Variants in ZNF532 observed in about 807,000 individuals in gnomAD.
The protein encoded by ZNF532 is zinc finger protein 532.
ZNF532 carries 22 observed loss-of-function variants against 89.3 expected under a neutral mutation model. The observed-to-expected ratio is 0.25, with a 90% CI of 0.18 to 0.35. The LOEUF is 0.35. ZNF532 is among the 10% of genes least tolerant of loss of function. The pLI is 1.00. For synonymous variants in ZNF532, 606 were observed against 649.6 expected, an observed-to-expected ratio of 0.93 and a Z score of 1.02; for missense variants, 1,132 against 1,643.4, an observed-to-expected ratio of 0.69 and a Z score of 5.38.
chr18:58,941,964 C>CTCCCTCCCTCCCTCCT (rs1400228427), intron 5 of ZNF532, among the ~76,000 whole-genome samples: 4 of 124,340 alleles, frequency 3.2e-5, no homozygotes, highest in East Asian at 4.5e-4. Context: ...CCCTCCCTCT[C>CTCCCTCCCTCCCTCCT]TCCCTCCCTC....
At chr18:58,898,563 C>T (rs1380704572) in intron 2 of ZNF532, among the ~76,000 whole-genome samples, 1 of 152,198 alleles carries the variant, frequency 6.6e-6, no homozygotes, top group Non-Finnish European at 1.5e-5. Flanking sequence ...ACACTTGGAC[C>T]AGCCCTGAGC....
At chr18:58,981,431 G>C in intron 8 of ZNF532, 39 bp from the exon 9 acceptor site, 1 of 1,595,262 alleles carries the variant, frequency 6.3e-7, no homozygotes, top group Non-Finnish European at 8.5e-7. Flanking sequence ...AGCTTATTTT[G>C]TCAGCAAGTG....
intron 2 of ZNF532, among the ~76,000 whole-genome samples, chr18:58,899,055 C>T (rs950279427): frequency 5.9e-5 from 9 of 152,242 alleles, no homozygotes; most frequent in Non-Finnish European, 1.2e-4. Context: ...GCTGAGTGCG[C>T]GTAGATTGCT....
intron 2 of ZNF532, among the ~76,000 whole-genome samples, chr18:58,906,654 T>C (rs78132082): frequency 1.3e-5 from 2 of 152,228 alleles, no homozygotes; most frequent in African/African-American, 4.8e-5. Flanking sequence ...CCTTCTCCCA[T>C]GACCTCACTT....
chr18:58,954,738 A>T (rs1454224061), intron 7 of ZNF532, among the ~76,000 whole-genome samples: 4 of 143,576 alleles, frequency 2.8e-5, no homozygotes, highest in African/African-American at 1.0e-4. Context: ...TTTGAGAAAG[A>T]GTCTCACTCT....
rs1442633375 is a variant in ZNF532, at chr18:58,919,474, C to G, written c.1187C>G (p.Thr396Arg). 1.2e-6 allele frequency: 2 copies of G among 1,614,122 alleles called. No individual in the cohort carries two copies. The highest frequency in any genetic ancestry group is 1.3e-5 in the African/African-American group (1 of 74,940). ...TCTGGAAAGAAACCTTCCGAGCAGA[C>G]AGCGTCCGTGATGGCCTCTGTGACA... is the stretch of plus-strand genomic sequence containing the variant. ...LDSGKKPSEQ[T>R]ASVMASVTSL... Residue 396 changes from threonine (T) to arginine (R), a missense_variant, in exon 3 of 10, where the codon ACA (threonine) becomes AGA (arginine). This residue lies in a region of ZNF532 where 124 missense variants were observed against 191.6 expected (regional missense o/e 0.65). Transcript: ENST00000591808. This position sits in a 1 kb window ranked among gnomAD's most constrained non-coding sequence, Gnocchi z 6.1.
intron 7 of ZNF532, among the ~76,000 whole-genome samples, chr18:58,957,575 CTG>C (rs1391678482): frequency 6.6e-6 from 1 of 151,922 alleles, no homozygotes; most frequent in Non-Finnish European, 1.5e-5. Context: ...GTAAATTTAA[CTG>C]GCATAAGTTA....
intron 7 of ZNF532, chr18:58,954,214 T>A: frequency 1.0e-6 from 1 of 990,190 alleles, no homozygotes; most frequent in Non-Finnish European, 1.2e-6. Flanking sequence ...ACTTACATGA[T>A]TCTTCCTTGA....
In ZNF532 at chr18:58,918,203, A is replaced by G; in HGVS notation, c.-17-68A>G. The G allele has an allele frequency of 2.2e-6, 3 of 1,384,892 alleles. No homozygotes were observed. In the South Asian group the frequency reaches 4.0e-5, roughly 19 times the overall value. 85.8% of individuals were successfully genotyped at this position (1,384,892 alleles called of 1,614,324 possible). On this transcript the variant is annotated intron_variant, in intron 2 of 9. Coordinates refer to ENST00000591808, the MANE Select transcript of ZNF532 (RefSeq NM_001375912.1). ...TAATCGTTATGTTAGTGTGAATTGT[A>G]TAGGGGTTTTATCTCATCGTGAGGA...
rs1255356042 is a variant in ZNF532 at position 58,918,488 on chromosome 18, T to C, written c.201T>C (p.Asn67=). ...SDVGVSVIVK[N]VRNIDSSEGG... The stretch of plus-strand genomic sequence containing the variant: ...TGGGTGTCAGCGTTATCGTCAAGAA[T>C]GTTCGGAACATTGACTCTTCCGAGG... The change falls in exon 3 of 10, where the codon AAT becomes AAC. Residue 67 remains asparagine, a synonymous_variant. Coordinates refer to ENST00000591808, the MANE Select transcript of ZNF532 (RefSeq NM_001375912.1). The C allele has an allele frequency of 1.5e-5, 25 of 1,614,188 alleles. No individual in the cohort carries two copies. The highest frequency in any genetic ancestry group is 2.1e-5 in the Non-Finnish European group (25 of 1,180,044).
chr18:58,959,217 G>C (rs1568423927), intron 7 of ZNF532, among the ~76,000 whole-genome samples: 1 of 149,532 alleles, frequency 6.7e-6, no homozygotes, highest in Non-Finnish European at 1.5e-5. Context: ...GAACTCTGGT[G>C]CCATCAAAAT....
intron 2 of ZNF532, among the ~76,000 whole-genome samples, chr18:58,896,855 A>G (rs2059284293): frequency 6.6e-6 from 1 of 152,202 alleles, no homozygotes; most frequent in Non-Finnish European, 1.5e-5. Context: ...CTAGGCTGAC[A>G]AATGGAGCAG....
At chr18:58,899,690 A>G (rs950960146) in intron 2 of ZNF532, among the ~76,000 whole-genome samples, 42 of 152,152 alleles carry the variant, frequency 2.8e-4, no homozygotes, top group Non-Finnish European at 5.9e-4. Context: ...GGTGGTCTCA[A>G]TCTCTCGACT....
At chr18:58,887,364 G>A (rs575896883) in intron 2 of ZNF532, among the ~76,000 whole-genome samples, 1 of 152,324 alleles carries the variant, frequency 6.6e-6, no homozygotes, top group African/African-American at 2.4e-5. Flanking sequence ...TATTTTTGGA[G>A]GCTTTATATA....
Position 58,888,855 on chromosome 18 carries a change from T to TA in ZNF532, c.-18+23276_-18+23277insA, listed in dbSNP as rs1568248215. 4.3e-4 allele frequency among the ~76,000 whole-genome samples: 17 copies of TA among 39,268 alleles called. 1 individual carries two copies. Among genetic ancestry groups the TA allele is most frequent in the Non-Finnish European group, 7.0e-4 (17 of 24,294 alleles). 25.8% of individuals were successfully genotyped at this position (39,268 alleles called of 152,430 possible). A position where few individuals can be genotyped will look rare whatever the true frequency, so the allele number is the denominator to read the frequency against. On this transcript the variant is annotated intron_variant, in intron 2 of 9. Coordinates refer to ENST00000591808, the MANE Select transcript of ZNF532 (RefSeq NM_001375912.1). Reference sequence around the variant, plus strand: ...ATATATATAATTTATATATATATAATTTATATATATATAATATATATTATA... The same window carrying TA: ...ATATATATAATTTATATATATATAATATTATATATATATAATATATATTATA...
chr18:58,871,329 C>T (rs981820813), intron 2 of ZNF532, among the ~76,000 whole-genome samples: 5 of 152,202 alleles, frequency 3.3e-5, no homozygotes, highest in Non-Finnish European at 7.3e-5. Flanking sequence ...AAGGGATCCT[C>T]CTGCCTCGGC....
At position 58,918,877 on chromosome 18, in the gene ZNF532, A is replaced by C. The variant is rs1445563592; in HGVS notation, c.590A>C (p.Lys197Thr). The change falls in exon 3 of 10, where the codon AAA (lysine) becomes ACA (threonine). Residue 197 changes from lysine (K) to threonine (T), a missense_variant. Lys to Thr is a moderately conservative substitution (Grantham distance 78). Around this residue, in one of 9 missense-constraint regions of ZNF532, gnomAD observed 302 missense variants for 319.8 expected, o/e 0.94. Transcript: ENST00000591808. The stretch of plus-strand genomic sequence containing the variant: ...CTCTCTACGTCAGGCAATGTGGAGA[A>C]AAACAAAGCTGTTAAGAGAGAAACA... ...TGLSTSGNVEKNKAVKRETEA... is the reference protein window; with the variant it reads ...TGLSTSGNVETNKAVKRETEA... 6.2e-7 allele frequency: 1 copy of C among 1,614,180 alleles called. No individual in the cohort carries two copies. The highest frequency in any genetic ancestry group is 2.2e-5 in the East Asian group (1 of 44,886).
At chr18:58,929,598 C>T (rs2061788672) in intron 3 of ZNF532, among the ~76,000 whole-genome samples, 1 of 152,202 alleles carries the variant, frequency 6.6e-6, no homozygotes, top group South Asian at 2.1e-4. Context: ...TACCAACCTT[C>T]AGTTTACCCG....
At chr18:58,893,349 T>C (rs1286056805) in intron 2 of ZNF532, among the ~76,000 whole-genome samples, 1 of 152,224 alleles carries the variant, frequency 6.6e-6, no homozygotes, top group Non-Finnish European at 1.5e-5. Flanking sequence ...ATTATGTTAA[T>C]AGTTTGCTTT....
Sources: gnomAD v4.1 joint callset for allele counts (sites outside exome capture counted in the v4.1 genomes callset) on GRCh38, gnomAD v4.1.1 for gene constraint, gnomAD v4.1.1 regional missense constraint, Gnocchi (gnomAD v3.1) non-coding constraint, MANE v1.5 for transcripts, NCBI Gene and HGNC (gene_info 2026-07-23, HGNC 2026-07-21) for gene names.